PRKCE: variants seen among roughly 807,000 people sequenced by gnomAD.
PRKCE encodes the protein protein kinase C epsilon.
In PRKCE, 16 loss-of-function variants were observed where a neutral mutation model predicts 85.4. The observed-to-expected ratio is 0.19, with a 90% CI of 0.13 to 0.28. The LOEUF is 0.28. Among genes scored for constraint, PRKCE ranks in the 10% least tolerant of loss-of-function variants. The probability of loss-of-function intolerance (pLI) is 1.00; values close to 1 mark genes in which losing one functional copy is unlikely to be tolerated. For missense variants in PRKCE, 573 were observed against 975.2 expected (o/e 0.59, Z 5.49); for synonymous variants, 388 against 371.5 (o/e 1.04, Z -0.51).
intron 1 of PRKCE, among the ~76,000 whole-genome samples, chr2:45,768,719 G>A (rs1449141100): frequency 6.6e-6 from 1 of 152,162 alleles, no homozygotes; most frequent in Admixed American, 6.5e-5. Flanking sequence ...GCGAGATGAA[G>A]GAAAACCCAT....
intron 1 of PRKCE, among the ~76,000 whole-genome samples, chr2:45,735,147 C>T (rs1017006755): frequency 2.0e-5 from 3 of 152,156 alleles, no homozygotes; most frequent in African/African-American, 7.2e-5. Flanking sequence ...GCCCTGGGCG[C>T]ATGATGTGAT....
chr2:46,085,487 G>C (rs1558436962), intron 10 of PRKCE, among the ~76,000 whole-genome samples: 1 of 152,138 alleles, frequency 6.6e-6, no homozygotes, highest in Non-Finnish European at 1.5e-5. Flanking sequence ...GTGCTGGCTA[G>C]GCTGTTCTCC....
chr2:45,963,042 A>G (rs1331322114), intron 2 of PRKCE, among the ~76,000 whole-genome samples: 1 of 152,162 alleles, frequency 6.6e-6, no homozygotes. Context: ...GTTTCTGTGG[A>G]AAGACTTGGG....
intron 2 of PRKCE, among the ~76,000 whole-genome samples, chr2:45,917,260 G>T (rs1334454696): frequency 1.3e-5 from 2 of 152,008 alleles, no homozygotes; most frequent in Non-Finnish European, 2.9e-5. Context: ...CCAAGTCGCC[G>T]CCAGAGTAGC....
At chr2:45,682,383 G>A (rs989762180) in intron 1 of PRKCE, among the ~76,000 whole-genome samples, 5 of 152,012 alleles carry the variant, frequency 3.3e-5, no homozygotes, top group African/African-American at 4.8e-5. Context: ...TGGTAAGGGG[G>A]TAGTTTGGTT....
intron 2 of PRKCE, among the ~76,000 whole-genome samples, chr2:45,873,965 G>A (rs1000314518): frequency 6.6e-6 from 1 of 152,248 alleles, no homozygotes; most frequent in African/African-American, 2.4e-5. Flanking sequence ...GTTCTGGCAG[G>A]AGACAGATCT....
chr2:45,852,142 C>T (rs1012619860), intron 2 of PRKCE: 2 of 152,264 alleles, frequency 1.3e-5, no homozygotes, highest in Non-Finnish European at 2.9e-5. Flanking sequence ...CTTTCATTAG[C>T]TCTGCCCTTC....
intron 1 of PRKCE, among the ~76,000 whole-genome samples, chr2:45,666,249 A>G (rs746684239): frequency 8.5e-5 from 13 of 152,152 alleles, no homozygotes; most frequent in Middle Eastern, 3.4e-3. Context: ...AGGGGTTTTT[A>G]TATCTTTATT....
intron 11 of PRKCE, among the ~76,000 whole-genome samples, chr2:46,137,479 G>A (rs572980997): frequency 3.4e-4 from 51 of 152,096 alleles, no homozygotes; most frequent in African/African-American, 1.1e-3. Flanking sequence ...TGCTGGGCAC[G>A]GTGGCTCATG....
chr2:45,653,633 AC>A (rs1675248827), intron 1 of PRKCE, among the ~76,000 whole-genome samples: 1 of 152,076 alleles, frequency 6.6e-6, no homozygotes, highest in South Asian at 2.1e-4. Context: ...CACATGGATC[AC>A]TTTGGCATAT....
chr2:46,123,495 T>C (rs545135898), intron 11 of PRKCE, among the ~76,000 whole-genome samples: 1 of 152,146 alleles, frequency 6.6e-6, no homozygotes, highest in South Asian at 2.1e-4. Context: ...TTTCTTCCTT[T>C]CTTTCTTTTT....
At chr2:46,030,506 T>C (rs1307752513) in intron 10 of PRKCE, among the ~76,000 whole-genome samples, 1 of 152,136 alleles carries the variant, frequency 6.6e-6, no homozygotes, top group East Asian at 1.9e-4. Flanking sequence ...GAAAATCATG[T>C]GGCTGTTCCA....
At chr2:45,838,110 CA>C (rs1482396734) in intron 1 of PRKCE, among the ~76,000 whole-genome samples, 1 of 152,194 alleles carries the variant, frequency 6.6e-6, no homozygotes, top group African/African-American at 2.4e-5. Flanking sequence ...CCCCTCAGAG[CA>C]CCATGGGGTG....
intron 1 of PRKCE, among the ~76,000 whole-genome samples, chr2:45,665,435 T>TA (rs1231305124): frequency 6.6e-6 from 1 of 152,222 alleles, no homozygotes; most frequent in African/African-American, 2.4e-5. Context: ...CTGTGAGGAT[T>TA]AAATAAGATA....
intron 2 of PRKCE, among the ~76,000 whole-genome samples, chr2:45,863,800 G>A (rs13017985): frequency 0.041 from 6,267 of 152,014 alleles, 163 homozygotes; most frequent in Middle Eastern, 0.075. Flanking sequence ...CTTCATCTGG[G>A]TGTGTAGGAG....
At chr2:45,821,498 A>G (rs1689529082) in intron 1 of PRKCE, among the ~76,000 whole-genome samples, 1 of 152,152 alleles carries the variant, frequency 6.6e-6, no homozygotes, top group African/African-American at 2.4e-5. Context: ...AGTTCCTGAC[A>G]ACCCAGTTGA....
intron 1 of PRKCE, among the ~76,000 whole-genome samples, chr2:45,736,342 C>A (rs1303201120): frequency 1.3e-5 from 2 of 152,140 alleles, no homozygotes; most frequent in Non-Finnish European, 2.9e-5. Context: ...GGTCAGAGAG[C>A]TATTACATGA....
At chr2:46,112,106 T>A (rs1037975914) in intron 11 of PRKCE, among the ~76,000 whole-genome samples, 9 of 152,238 alleles carry the variant, frequency 5.9e-5, no homozygotes, top group African/African-American at 2.2e-4. Flanking sequence ...GATATTTAGA[T>A]CATCTTGAGG....
chr2:46,113,690 A>G (rs953763346), intron 11 of PRKCE, among the ~76,000 whole-genome samples: 3 of 152,212 alleles, frequency 2.0e-5, no homozygotes, highest in African/African-American at 7.2e-5. Context: ...GGGATGTGCT[A>G]CATGCTCACC....
Sources: gnomAD v4.1 joint callset for allele counts (sites outside exome capture counted in the v4.1 genomes callset) on GRCh38, gnomAD v4.1.1 for gene constraint, MANE v1.5 for transcripts, NCBI Gene and HGNC (gene_info 2026-07-23, HGNC 2026-07-21) for gene names.